KPNB1: variants seen among roughly 807,000 people sequenced by gnomAD.
KPNB1 encodes the protein importin subunit beta-1.
In KPNB1, 7 loss-of-function variants were observed where a neutral mutation model predicts 113.0. The ratio of observed to expected loss-of-function variants is 0.06; its 90% CI spans 0.04 to 0.12. The LOEUF (loss-of-function observed/expected upper bound fraction) is 0.12, where lower values mean the gene tolerates loss of function less well. KPNB1 is among the 10% of genes least tolerant of loss of function. The pLI is 1.00. For synonymous variants in KPNB1, 363 were observed against 378.6 expected, an observed-to-expected ratio of 0.96 and a Z score of 0.48; for missense variants, 400 against 1,054.8, an observed-to-expected ratio of 0.38 and a Z score of 8.60.
chr17:47,659,007 A>G (rs1240305943), intron 5 of KPNB1, among the ~76,000 whole-genome samples: 1 of 152,098 alleles, frequency 6.6e-6, no homozygotes, highest in Non-Finnish European at 1.5e-5. Flanking sequence ...GAGTCCAGTT[A>G]TTCAAGGCCA....
Position 47,680,595 on chromosome 17 carries a change from A to G in KPNB1, c.2556A>G (p.Arg852=). 2 of 1,614,208 alleles carry G rather than the reference A, an allele frequency of 1.2e-6. No homozygotes were observed. The highest frequency in any genetic ancestry group is 1.7e-6 in the Non-Finnish European group (2 of 1,180,036). The change falls in exon 21 of 22, where the codon AGA becomes AGG. Residue 852 remains arginine, a synonymous_variant. Transcript: ENST00000290158. ...MIHELLTEGR[R]SKTNKAKTLA... ...ATGAATTGTTAACTGAAGGGCGGAG[A>G]TCGAAGACTAACAAAGCAAAAACCC...
At chr17:47,681,992 CT>C (rs1266332244) in intron 21 of KPNB1, among the ~76,000 whole-genome samples, 1 of 152,106 alleles carries the variant, frequency 6.6e-6, no homozygotes, top group African/African-American at 2.4e-5. Flanking sequence ...ACCTCCATGA[CT>C]GGCTAATTTT....
Position 47,650,053 on chromosome 17 carries a change from A to T in KPNB1, c.-192A>T, listed in dbSNP as rs2143068575. ...AGCAGCCCATTTGGAGGGAGGAAGT[A>T]AGGGAAGAGGAGAGGAAGGGGAGCC... is the stretch of plus-strand genomic sequence containing the variant. On this transcript the variant is annotated 5_prime_UTR_variant, in exon 1 of 22. Coordinates refer to ENST00000290158, the MANE Select transcript of KPNB1 (RefSeq NM_002265.6). 1 of 1,362,626 alleles carries T rather than the reference A, an allele frequency of 7.3e-7. No individual in the cohort carries two copies. Among genetic ancestry groups the T allele is most frequent in the African/African-American group, 1.5e-5 (1 of 65,724 alleles). The allele number at this position is 1,362,626 out of a possible 1,614,324, so 84.4% of individuals were successfully genotyped here.
rs1358427729 is a variant in KPNB1, at chr17:47,650,009, G to A, written c.-236G>A. On this transcript the variant is annotated 5_prime_UTR_variant, in exon 1 of 22. Transcript: ENST00000290158. ...ACCAGCGCGCTCTGAGCTGCCCCCA[G>A]GGTCCCTCCCCCGCCGCCAGCAGCC... The A allele has an allele frequency of 1.5e-6, 2 of 1,365,490 alleles. No homozygotes were observed. The highest frequency in any genetic ancestry group is 1.9e-6 in the Non-Finnish European group (2 of 1,065,318). 84.6% of individuals were successfully genotyped at this position (1,365,490 alleles called of 1,614,324 possible).
rs1272944600 is a variant in KPNB1 at position 47,683,807 on chromosome 17, T to G, written c.*1403T>G. ...AAAATGGCACTTGGAAAAGGTTTTATTTTTCCACTGAAGTTGAAGGTTAAT... is the reference window on the plus strand; with the variant it reads ...AAAATGGCACTTGGAAAAGGTTTTAGTTTTCCACTGAAGTTGAAGGTTAAT... On this transcript the variant is annotated 3_prime_UTR_variant, in exon 22 of 22. Coordinates refer to ENST00000290158, the MANE Select transcript of KPNB1 (RefSeq NM_002265.6). The G allele has an allele frequency of 6.6e-6, 1 of 152,594 alleles. No individual in the cohort carries two copies. Among genetic ancestry groups the G allele is most frequent in the African/African-American group, 2.4e-5 (1 of 41,436 alleles). The allele number at this position is 152,594 out of a possible 1,614,324, so 9.5% of individuals were successfully genotyped here.
chr17:47,663,445 C>G (rs1472981669), intron 7 of KPNB1, among the ~76,000 whole-genome samples: 1 of 152,074 alleles, frequency 6.6e-6, no homozygotes, highest in East Asian at 1.9e-4. Context: ...GGGCAGATCA[C>G]CTGAGGTCAG....
At chr17:47,674,903 A>T in intron 15 of KPNB1, 121 bp downstream of exon 15, 1 of 1,003,576 alleles carries the variant, frequency 1.0e-6, no homozygotes, top group East Asian at 2.5e-5. Flanking sequence ...TGCAGCCTTG[A>T]AATCGTGGGC....
chr17:47,664,608 T>G (rs1315561517), intron 8 of KPNB1, among the ~76,000 whole-genome samples: 8 of 152,236 alleles, frequency 5.3e-5, no homozygotes, highest in Admixed American at 2.6e-4. Flanking sequence ...GATGTATAAT[T>G]GATACTTTAC....
chr17:47,660,885 T>A (rs976933599), intron 5 of KPNB1, among the ~76,000 whole-genome samples: 13 of 152,234 alleles, frequency 8.5e-5, no homozygotes, highest in Non-Finnish European at 1.8e-4. Flanking sequence ...TTTTGGAGAT[T>A]AAAAGATTAG....
intron 3 of KPNB1, among the ~76,000 whole-genome samples, chr17:47,655,340 C>T (rs1021125216): frequency 6.6e-6 from 1 of 152,150 alleles, no homozygotes; most frequent in African/African-American, 2.4e-5. Flanking sequence ...TGTTTAATGA[C>T]AAGTGGATCT....
intron 6 of KPNB1, 140 bp from the exon 7 acceptor site, chr17:47,662,949 G>A (rs1383043767): frequency 4.5e-6 from 3 of 672,346 alleles, no homozygotes; most frequent in Non-Finnish European, 8.2e-6. Context: ...TAAAGGGAGA[G>A]AATGAATTTT....
chr17:47,682,385 T>C lies in KPNB1; in HGVS notation c.*-19T>C. The stretch of plus-strand genomic sequence containing the variant: ...ATATGTGATCTCAAAGATTGACCTT[T>C]TTTTCCATCTGTTTTCAGATCTGTT... On this transcript the variant is annotated intron_variant, in intron 21 of 21. Transcript: ENST00000290158. 1 of 781,054 alleles carries C rather than the reference T, an allele frequency of 1.3e-6. No homozygotes were observed. 48.4% of individuals were successfully genotyped at this position (781,054 alleles called of 1,614,324 possible).
intron 12 of KPNB1, among the ~76,000 whole-genome samples, chr17:47,672,059 T>C (rs1304951782): frequency 1.3e-5 from 2 of 151,690 alleles, no homozygotes; most frequent in Admixed American, 6.6e-5. Context: ...TCACCCAGGC[T>C]AGAGTGCAAT....
In KPNB1 at chr17:47,650,213, T is replaced by C. The variant is rs1915491985; in HGVS notation, c.-32T>C. ...CGCCCGAAAGGCCGGGCCGTCGTCTTAGGAGGAGTCGCCGCCGCCGCCACC... is the reference window on the plus strand; with the variant it reads ...CGCCCGAAAGGCCGGGCCGTCGTCTCAGGAGGAGTCGCCGCCGCCGCCACC... On this transcript the variant is annotated 5_prime_UTR_variant, in exon 1 of 22. Coordinates refer to ENST00000290158, the MANE Select transcript of KPNB1 (RefSeq NM_002265.6). 7.4e-7 allele frequency: 1 copy of C among 1,356,776 alleles called. No homozygotes were observed. The highest frequency in any genetic ancestry group is 1.6e-5 in the African/African-American group (1 of 63,428). 84.0% of individuals were successfully genotyped at this position (1,356,776 alleles called of 1,614,324 possible). A position where few individuals can be genotyped will look rare whatever the true frequency, so the allele number is the denominator to read the frequency against.
intron 3 of KPNB1, among the ~76,000 whole-genome samples, chr17:47,656,259 CAAA>C (rs11343864): frequency 6.8e-6 from 1 of 147,884 alleles, no homozygotes; most frequent in African/African-American, 2.5e-5. Context: ...GACTTTGTCT[CAAA>C]AAAAAAAAGA....
At chr17:47,658,480 A>ATTCATTGCACTTCTCTGCTTG in intron 4 of KPNB1, 28 bp from the exon 5 acceptor site, 1 of 1,605,736 alleles carries the variant, frequency 6.2e-7, no homozygotes, top group Admixed American at 1.7e-5. Flanking sequence ...CTGACTGTAT[A>ATTCATTGCACTTCTCTGCTTG]TTCATTGCAC....
chr17:47,658,898 C>T (rs2029996057), intron 5 of KPNB1, among the ~76,000 whole-genome samples: 1 of 152,012 alleles, frequency 6.6e-6, no homozygotes, highest in Non-Finnish European at 1.5e-5. Context: ...CTTTTGCAGT[C>T]CAAAGTGTGG....
chr17:47,671,762 C>T (rs1027362434), intron 12 of KPNB1: 4 of 151,856 alleles, frequency 2.6e-5, no homozygotes, highest in East Asian at 2.0e-4. Flanking sequence ...TCCTGACCCT[C>T]GTGATCCACC....
At chr17:47,675,366 T>TTTG (rs1567894285) in intron 15 of KPNB1, among the ~76,000 whole-genome samples, 1 of 114,210 alleles carries the variant, frequency 8.8e-6, no homozygotes, top group African/African-American at 3.9e-5. Context: ...GTGTTGTTTT[T>TTTG]TTTTTGTTTT....
Sources: allele counts gnomAD v4.1 joint callset (sites outside exome capture counted in the v4.1 genomes callset), GRCh38; gene constraint gnomAD v4.1.1; transcripts MANE v1.5; gene names NCBI Gene and HGNC (gene_info 2026-07-23, HGNC 2026-07-21).